Variants in KCNH7 observed in about 807,000 individuals in gnomAD.
The protein encoded by KCNH7 is voltage-gated inwardly rectifying potassium channel KCNH7.
KCNH7 carries 49 observed loss-of-function variants against 120.8 expected under a neutral mutation model. The observed-to-expected ratio is 0.41, with a 90% CI of 0.32 to 0.51. The LOEUF (loss-of-function observed/expected upper bound fraction) is 0.51. Among genes scored for constraint, KCNH7 ranks in the 20% least tolerant of loss-of-function variants. The probability of loss-of-function intolerance (pLI) is 0.38; values close to 1 mark genes in which losing one functional copy is unlikely to be tolerated. For missense variants in KCNH7, 1,097 were observed against 1,446.6 expected (o/e 0.76, Z 3.92); for synonymous variants, 547 against 516.1 (o/e 1.06, Z -0.81).
intron 2 of KCNH7, among the ~76,000 whole-genome samples, chr2:162,783,975 T>A (rs921599624): frequency 1.3e-5 from 2 of 152,160 alleles, no homozygotes; most frequent in Admixed American, 1.3e-4. Context: ...TTCAAAGAGC[T>A]AATTACTAGA....
At chr2:162,487,146 G>A (rs565211306) in intron 6 of KCNH7, among the ~76,000 whole-genome samples, 5 of 152,232 alleles carry the variant, frequency 3.3e-5, no homozygotes, top group South Asian at 4.1e-4. Flanking sequence ...CAGTATGATC[G>A]TGTTAATACG....
intron 8 of KCNH7, among the ~76,000 whole-genome samples, chr2:162,432,666 G>A (rs1468611820): frequency 6.6e-6 from 1 of 151,832 alleles, no homozygotes; most frequent in Admixed American, 6.6e-5. Context: ...ATCATACTTT[G>A]AAATAATAAA....
intron 6 of KCNH7, among the ~76,000 whole-genome samples, chr2:162,498,508 G>T (rs1347515108): frequency 2.0e-5 from 3 of 150,584 alleles, no homozygotes; most frequent in South Asian, 4.2e-4. Flanking sequence ...GAGGGTGGGG[G>T]TGTGCACGTG....
At chr2:162,443,202 C>A (rs572015695) in intron 7 of KCNH7, among the ~76,000 whole-genome samples, 2 of 152,302 alleles carry the variant, frequency 1.3e-5, no homozygotes, top group Non-Finnish European at 2.9e-5. Context: ...CAATCTTTGT[C>A]AGGATTCTAT....
chr2:162,793,873 T>C (rs1684043467), intron 2 of KCNH7, among the ~76,000 whole-genome samples: 1 of 151,976 alleles, frequency 6.6e-6, no homozygotes, highest in South Asian at 2.1e-4. Flanking sequence ...ATGTACAGGA[T>C]GGAACTGTTG....
chr2:162,727,966 A>G (rs1350865835), intron 2 of KCNH7, among the ~76,000 whole-genome samples: 1 of 152,200 alleles, frequency 6.6e-6, no homozygotes, highest in African/African-American at 2.4e-5. Context: ...AACAACATAC[A>G]TATATTGAAT....
chr2:162,390,376 A>G (rs1686710466), intron 12 of KCNH7, among the ~76,000 whole-genome samples: 1 of 151,772 alleles, frequency 6.6e-6, no homozygotes, highest in African/African-American at 2.4e-5. Flanking sequence ...TATATTATAC[A>G]GTGAACACAA....
chr2:162,786,876 A>G (rs1039866010), intron 2 of KCNH7, among the ~76,000 whole-genome samples: 2 of 152,244 alleles, frequency 1.3e-5, no homozygotes, highest in African/African-American at 2.4e-5. Flanking sequence ...CCATGCTCTA[A>G]GGAATGCAGG....
intron 2 of KCNH7, among the ~76,000 whole-genome samples, chr2:162,806,542 TAAAA>T (rs941151977): frequency 6.6e-6 from 1 of 152,262 alleles, no homozygotes; most frequent in South Asian, 2.1e-4. Context: ...TCATTACAGT[TAAAA>T]AAACAGAAAA....
intron 2 of KCNH7, among the ~76,000 whole-genome samples, chr2:162,814,855 T>A (rs1243232127): frequency 6.6e-6 from 1 of 152,200 alleles, no homozygotes; most frequent in East Asian, 1.9e-4. Context: ...TTTTTAAATA[T>A]TCTTCTATTA....
chr2:162,387,379 A>G (rs750434422), intron 12 of KCNH7, among the ~76,000 whole-genome samples: 1 of 151,522 alleles, frequency 6.6e-6, no homozygotes, highest in Non-Finnish European at 1.5e-5. Flanking sequence ...GCTGAAATGC[A>G]TTATAATTAG....
At chr2:162,417,369 T>C (rs1687572120) in intron 9 of KCNH7, among the ~76,000 whole-genome samples, 1 of 152,198 alleles carries the variant, frequency 6.6e-6, no homozygotes, top group African/African-American at 2.4e-5. Flanking sequence ...TGAAACTGAA[T>C]TGAGTTGAAT....
intron 6 of KCNH7, among the ~76,000 whole-genome samples, chr2:162,451,834 A>G (rs368523257): frequency 6.6e-6 from 1 of 152,084 alleles, no homozygotes; most frequent in East Asian, 1.9e-4. Flanking sequence ...GTCAAGGTCT[A>G]GAACTTCTAT....
intron 11 of KCNH7, among the ~76,000 whole-genome samples, chr2:162,395,892 C>T (rs1686900389): frequency 6.6e-6 from 1 of 151,450 alleles, no homozygotes; most frequent in African/African-American, 2.4e-5. Context: ...TTTTTTTCCC[C>T]AGAGAATATA....
rs557498810 is a variant in KCNH7, at chr2:162,755,314, C to CA, written c.307+81222dup. ...AGAAACTCCATCTCTACTAAAAATA[C>CA]AAAAAAAATTAGCCAGGTTTGGTGG... is the stretch of plus-strand genomic sequence containing the variant. On this transcript the variant is annotated intron_variant, in intron 2 of 15. Coordinates refer to ENST00000332142, the MANE Select transcript of KCNH7 (RefSeq NM_033272.4). Among the ~76,000 whole-genome samples the CA allele has an allele frequency of 7.3e-3, 1,104 of 151,554 alleles. 10 individuals are homozygous for CA. The highest frequency in any genetic ancestry group is 0.014 in the Non-Finnish European group (931 of 67,770).
chr2:162,638,615 T>C (rs1684043682), intron 2 of KCNH7, among the ~76,000 whole-genome samples: 1 of 152,132 alleles, frequency 6.6e-6, no homozygotes, highest in Non-Finnish European at 1.5e-5. Flanking sequence ...AGAAGCGTGA[T>C]TAAATGTATT....
chr2:162,470,381 C>T (rs1400302713), intron 6 of KCNH7, among the ~76,000 whole-genome samples: 1 of 149,990 alleles, frequency 6.7e-6, no homozygotes, highest in Non-Finnish European at 1.5e-5. Context: ...AGGTGAGGAG[C>T]GTCTCTGCCC....
intron 2 of KCNH7, among the ~76,000 whole-genome samples, chr2:162,741,363 AT>A (rs1688131780): frequency 1.3e-5 from 2 of 150,476 alleles, no homozygotes; most frequent in African/African-American, 4.9e-5. Context: ...ATAACATGCT[AT>A]TTTCATGTTA....
At chr2:162,663,311 G>T (rs1685030192) in intron 2 of KCNH7, among the ~76,000 whole-genome samples, 1 of 152,076 alleles carries the variant, frequency 6.6e-6, no homozygotes, top group African/African-American at 2.4e-5. Flanking sequence ...TTGTGTTTGA[G>T]AAAAAAATTT....
Sources: gnomAD v4.1 joint callset for allele counts (sites outside exome capture counted in the v4.1 genomes callset) on GRCh38, gnomAD v4.1.1 for gene constraint, MANE v1.5 for transcripts, NCBI Gene and HGNC (gene_info 2026-07-23, HGNC 2026-07-21) for gene names.